Variants in PRPH observed in about 807,000 individuals in gnomAD.
PRPH encodes neurofilament 4 (57kD).
In PRPH, 48 loss-of-function variants were observed where a neutral mutation model predicts 52.6. The ratio of observed to expected loss-of-function variants is 0.91; its 90% CI spans 0.72 to 1.16. The LOEUF (loss-of-function observed/expected upper bound fraction) is 1.16, where lower values mean the gene tolerates loss of function less well. Among genes scored for constraint, PRPH ranks in the 50% most tolerant of loss-of-function variants. The pLI is 0.00. For synonymous variants in PRPH, 279 were observed against 283.8 expected (o/e 0.98, Z 0.17); for missense variants, 579 against 635.7 (o/e 0.91, Z 0.96).
Position 49,295,917 on chromosome 12 carries a change from CCCCGCT to C in PRPH, c.545+173_545+178del, listed in dbSNP as rs1425177480. 2.2e-4 allele frequency: 323 copies of C among 1,441,686 alleles called. 1 individual carries two copies. The African/African-American group carries it at 4.2e-3, about 19-fold the overall frequency. The allele number at this position is 1,441,686 out of a possible 1,614,324, so 89.3% of individuals were successfully genotyped here. Reference sequence around the variant, plus strand: ...TCCCTGCCCACGGGCTCCAAGTGCCCCCCGCTACCCCTTTGCTCTGAGTGTTTGGGG... The same window carrying C: ...TCCCTGCCCACGGGCTCCAAGTGCCCACCCCTTTGCTCTGAGTGTTTGGGG... On this transcript the variant is annotated intron_variant, in intron 1 of 8. Coordinates refer to ENST00000257860, the MANE Select transcript of PRPH (RefSeq NM_006262.4).
At position 49,297,540 on chromosome 12, in the gene PRPH, G is replaced by A. The variant is rs374358956; in HGVS notation, c.1180G>A (p.Ala394Thr). The A allele has an allele frequency of 1.4e-5, 20 of 1,475,336 alleles. No individual in the cohort carries two copies. In the African/African-American group the frequency reaches 1.7e-4, roughly 13 times the overall value. The allele number at this position is 1,475,336 out of a possible 1,614,324, so 91.4% of individuals were successfully genotyped here. A position where few individuals can be genotyped will look rare whatever the true frequency, so the allele number is the denominator to read the frequency against. Residue 394 changes from alanine (A) to threonine (T), a missense_variant, in exon 6 of 9, where the codon GCC becomes ACC. By Grantham distance (58) the Ala-to-Thr change is moderately conservative. Transcript: ENST00000257860. This position sits in a 1 kb window ranked among gnomAD's most constrained non-coding sequence, Gnocchi z 4.4. ...CAAGATGGCCCTGGACATCGAGATCGCCACCTACCGCAAGCTGCTGGAGGG... is the reference window on the plus strand; with the variant it reads ...CAAGATGGCCCTGGACATCGAGATCACCACCTACCGCAAGCTGCTGGAGGG... ...NVKMALDIEI[A>T]TYRKLLEGEE...
At position 49,295,448 on chromosome 12, in the gene PRPH, C is replaced by T. The variant is rs748951608; in HGVS notation, c.248C>T (p.Ala83Val). Residue 83 changes from alanine (A) to valine (V), a missense_variant, in exon 1 of 9, where the codon GCC (alanine) becomes GTC (valine). By Grantham distance (64) the Ala-to-Val change is moderately conservative. Coordinates refer to ENST00000257860, the MANE Select transcript of PRPH (RefSeq NM_006262.4). ...TCGGAGCGCCTCGACTTCTCCATGGCCGAGGCCCTCAACCAGGAGTTCCTG... is the reference window on the plus strand; with the variant it reads ...TCGGAGCGCCTCGACTTCTCCATGGTCGAGGCCCTCAACCAGGAGTTCCTG... ...LPSERLDFSM[A>V]EALNQEFLAT... 61 of 1,607,258 alleles carry T rather than the reference C, an allele frequency of 3.8e-5. No homozygotes were observed. Among genetic ancestry groups the T allele is most frequent in the Non-Finnish European group, 5.0e-5 (59 of 1,177,646 alleles).
chr12:49,296,505 T>G lies in PRPH; in HGVS notation c.680T>G (p.Phe227Cys). Residue 227 changes from phenylalanine (F) to cysteine (C), a missense_variant, in exon 3 of 9, where the codon TTC becomes TGC. Physicochemically the swap from Phe to Cys is radical, Grantham distance 205. Transcript: ENST00000257860. The surrounding 1 kb of genome is among the most constrained non-coding windows in gnomAD (Gnocchi z 5.1). ...GAGTCTCTGATGGATGAGATTGAGTTCCTCAAGAAGCTGCACGAGGAGGTA... is the reference window on the plus strand; with the variant it reads ...GAGTCTCTGATGGATGAGATTGAGTGCCTCAAGAAGCTGCACGAGGAGGTA... The part of the protein sequence containing the change: ...KIESLMDEIE[F>C]LKKLHEEELR... 1 of 1,614,094 alleles carries G rather than the reference T, an allele frequency of 6.2e-7. No homozygotes were observed. Among genetic ancestry groups the G allele is most frequent in the Non-Finnish European group, 8.5e-7 (1 of 1,180,018 alleles).
chr12:49,297,493 A>T lies in PRPH; in HGVS notation c.1133A>T (p.Glu378Val). Reference sequence around the variant, plus strand: ...GAGGAGATGGCGCGGCACCTGAGGGAGTACCAGGAGCTCCTCAACGTCAAG... The same window carrying T: ...GAGGAGATGGCGCGGCACCTGAGGGTGTACCAGGAGCTCCTCAACGTCAAG... The part of the protein sequence containing the change: ...LKEEMARHLR[E>V]YQELLNVKMA... The change falls in exon 6 of 9, where the codon GAG (glutamate) becomes GTG (valine). Residue 378 changes from glutamate (E) to valine (V), a missense_variant. Physicochemically the swap from Glu to Val is moderately radical, Grantham distance 121. Coordinates refer to ENST00000257860, the MANE Select transcript of PRPH (RefSeq NM_006262.4). The surrounding 1 kb of genome is among the most constrained non-coding windows in gnomAD (Gnocchi z 4.4). 1 of 1,612,344 alleles carries T rather than the reference A, an allele frequency of 6.2e-7. No homozygotes were observed. The highest frequency in any genetic ancestry group is 8.5e-7 in the Non-Finnish European group (1 of 1,179,858).
chr12:49,296,297 C>A lies in PRPH; in HGVS notation c.606+59C>A. On this transcript the variant is annotated intron_variant, in intron 2 of 8. Transcript: ENST00000257860. The surrounding 1 kb of genome is among the most constrained non-coding windows in gnomAD (Gnocchi z 5.1). Reference sequence around the variant, plus strand: ...CCACCGCTACCCCCGATCTCAGTATCCAGAGGTGGCATCGGTGGGCGCGGG... The same window carrying A: ...CCACCGCTACCCCCGATCTCAGTATACAGAGGTGGCATCGGTGGGCGCGGG... The A allele has an allele frequency of 6.3e-7, 1 of 1,597,028 alleles. No homozygotes were observed. Among genetic ancestry groups the A allele is most frequent in the South Asian group, 1.1e-5 (1 of 89,722 alleles).
At position 49,296,115 on chromosome 12, in the gene PRPH, C is replaced by A. The variant is rs559195598; in HGVS notation, c.546-63C>A. On this transcript the variant is annotated intron_variant, in intron 1 of 8. Coordinates refer to ENST00000257860, the MANE Select transcript of PRPH (RefSeq NM_006262.4). This position sits in a 1 kb window ranked among gnomAD's most constrained non-coding sequence, Gnocchi z 5.1. ...CTCTAACCGGATCCTGGGGGGCGTG[C>A]GGTCTGGGGTGCGAGCTGGGCGGCG... is the stretch of plus-strand genomic sequence containing the variant. The A allele has an allele frequency of 2.0e-5, 30 of 1,533,506 alleles. No homozygotes were observed. In the African/African-American group the frequency reaches 2.2e-4, roughly 11 times the overall value. 95.0% of individuals were successfully genotyped at this position (1,533,506 alleles called of 1,614,324 possible).
At position 49,297,988 on chromosome 12, in the gene PRPH, A is replaced by G; in HGVS notation, c.1298A>G (p.His433Arg). 1 of 1,614,202 alleles carries G rather than the reference A, an allele frequency of 6.2e-7. No individual in the cohort carries two copies. The highest frequency in any genetic ancestry group is 8.5e-7 in the Non-Finnish European group (1 of 1,180,040). ...GAGGTGGAGCCTCCCCAGGACAGCC[A>G]CAGCCGGAAGACGGTTCTGATCAAG... is the stretch of plus-strand genomic sequence containing the variant. ...VPEVEPPQDSHSRKTVLIKTI... is the reference protein window; with the variant it reads ...VPEVEPPQDSRSRKTVLIKTI... The change falls in exon 8 of 9, where the codon CAC (histidine) becomes CGC (arginine). Residue 433 changes from histidine to arginine, a missense_variant. By Grantham distance (29) the His-to-Arg change is conservative. Coordinates refer to ENST00000257860, the MANE Select transcript of PRPH (RefSeq NM_006262.4). The surrounding 1 kb of genome is among the most constrained non-coding windows in gnomAD (Gnocchi z 4.4).
In PRPH at chr12:49,297,937, C is replaced by G. The variant is rs1254366615; in HGVS notation, c.1268-21C>G. The G allele has an allele frequency of 1.7e-5, 28 of 1,613,614 alleles. No individual in the cohort carries two copies. The highest frequency in any genetic ancestry group is 2.4e-5 in the Non-Finnish European group (28 of 1,179,554). ...GATTCCCACGCCTTCCCCCTTGAAC[C>G]CTTTATCCTGCTTTCTTCAGTGCCT... On this transcript the variant is annotated intron_variant, in intron 7 of 8. Coordinates refer to ENST00000257860, the MANE Select transcript of PRPH (RefSeq NM_006262.4). This position sits in a 1 kb window ranked among gnomAD's most constrained non-coding sequence, Gnocchi z 4.4.
chr12:49,296,837 G>A lies in PRPH; in HGVS notation c.703-52G>A. ...CTCTTTTCTGTGCACGAACTGCGTG[G>A]CCCGCGTGGAATTTGCGCCGCTGTC... On this transcript the variant is annotated intron_variant, in intron 3 of 8. Coordinates refer to ENST00000257860, the MANE Select transcript of PRPH (RefSeq NM_006262.4). The surrounding 1 kb of genome is among the most constrained non-coding windows in gnomAD (Gnocchi z 5.1). 2 of 1,570,814 alleles carry A rather than the reference G, an allele frequency of 1.3e-6. No individual in the cohort carries two copies. Among genetic ancestry groups the A allele is most frequent in the African/African-American group, 1.4e-5 (1 of 73,724 alleles).
rs1247344923 is a variant in PRPH at position 49,297,017 on chromosome 12, G to A, written c.831G>A (p.Ala277=). Residue 277 remains alanine, a synonymous_variant, in exon 4 of 9, where the codon GCG becomes GCA. Coordinates refer to ENST00000257860, the MANE Select transcript of PRPH (RefSeq NM_006262.4). The surrounding 1 kb of genome is among the most constrained non-coding windows in gnomAD (Gnocchi z 4.4). ...GCGCGCAGTACGAGAGCATCGCCGC[G>A]AAGAACCTGCAGGAGGCGGAGGAGT... ...DIRAQYESIA[A]KNLQEAEEWY... The A allele has an allele frequency of 1.2e-6, 2 of 1,613,894 alleles. No homozygotes were observed. The highest frequency in any genetic ancestry group is 3.3e-5 in the Admixed American group (2 of 60,008).
rs1230062634 is a variant in PRPH at position 49,295,652 on chromosome 12, T to C, written c.452T>C (p.Leu151Pro). The change falls in exon 1 of 9, where the codon CTG (leucine) becomes CCG (proline). Residue 151 changes from leucine (L) to proline (P), a missense_variant. By Grantham distance (98) the Leu-to-Pro change is moderately conservative. Transcript: ENST00000257860. The stretch of plus-strand genomic sequence containing the variant: ...CTGTGCCAGCAGGAGCTGCGCGAGC[T>C]GCGGCGAGAGCTGGAGCTGTTGGGC... Reference protein sequence around the residue: ...DQLCQQELRELRRELELLGRE... With the variant: ...DQLCQQELREPRRELELLGRE... 3 of 1,539,334 alleles carry C rather than the reference T, an allele frequency of 1.9e-6. No individual in the cohort carries two copies. In the Admixed American group the frequency reaches 5.9e-5, roughly 30 times the overall value.
Position 49,297,312 on chromosome 12 carries a change from C to CGAT in PRPH, c.996+42_997-40dup, listed in dbSNP as rs1555170115. 5 of 1,613,636 alleles carry CGAT rather than the reference C, an allele frequency of 3.1e-6. No homozygotes were observed. The highest frequency in any genetic ancestry group is 4.2e-6 in the Non-Finnish European group (5 of 1,179,992). On this transcript the variant is annotated intron_variant, in intron 5 of 8. Transcript: ENST00000257860. The surrounding 1 kb of genome is among the most constrained non-coding windows in gnomAD (Gnocchi z 4.4). Reference sequence around the variant, plus strand: ...TGCGCGCTCGGGCCCGGGGAGCGGACGATGAAATGTTCTGCAACTGGCCCC... The same window carrying CGAT: ...TGCGCGCTCGGGCCCGGGGAGCGGACGATGATGAAATGTTCTGCAACTGGCCCC...
chr12:49,296,647 T>A lies in PRPH; in HGVS notation c.702+120T>A. On this transcript the variant is annotated intron_variant, in intron 3 of 8. Coordinates refer to ENST00000257860, the MANE Select transcript of PRPH (RefSeq NM_006262.4). This position sits in a 1 kb window ranked among gnomAD's most constrained non-coding sequence, Gnocchi z 5.1. The stretch of plus-strand genomic sequence containing the variant: ...GACGATGCTGGGTAGACGCAGCCCC[T>A]CCACCCTAGTCTACAGGTGGTTAGA... The A allele has an allele frequency of 9.0e-7, 1 of 1,109,906 alleles. No individual in the cohort carries two copies. The highest frequency in any genetic ancestry group is 1.3e-6 in the Non-Finnish European group (1 of 752,938). 68.8% of individuals were successfully genotyped at this position (1,109,906 alleles called of 1,614,324 possible).
In PRPH at chr12:49,297,979, A is replaced by G; in HGVS notation, c.1289A>G (p.Gln430Arg). 6.2e-7 allele frequency: 1 copy of G among 1,614,140 alleles called. No individual in the cohort carries two copies. The highest frequency in any genetic ancestry group is 8.5e-7 in the Non-Finnish European group (1 of 1,180,016). Residue 430 changes from glutamine (Q) to arginine (R), a missense_variant, in exon 8 of 9, where the codon CAG (glutamine) becomes CGG (arginine). Gln to Arg is a conservative substitution (Grantham distance 43, BLOSUM62 1). Transcript: ENST00000257860. The surrounding 1 kb of genome is among the most constrained non-coding windows in gnomAD (Gnocchi z 4.4). ...TCAGTGCCTGAGGTGGAGCCTCCCC[A>G]GGACAGCCACAGCCGGAAGACGGTT... ...KTTVPEVEPP[Q>R]DSHSRKTVLI...
Position 49,296,258 on chromosome 12 carries a change from C to T in PRPH, c.606+20C>T. On this transcript the variant is annotated intron_variant, in intron 2 of 8. Coordinates refer to ENST00000257860, the MANE Select transcript of PRPH (RefSeq NM_006262.4). The surrounding 1 kb of genome is among the most constrained non-coding windows in gnomAD (Gnocchi z 5.1). ...CGCAAGGTGAGTCCGAGCCCCTCTC[C>T]GAGTTCAGCCTCCCCACCGCTACCC... The T allele has an allele frequency of 6.2e-7, 1 of 1,612,066 alleles. No individual in the cohort carries two copies. The highest frequency in any genetic ancestry group is 1.7e-5 in the Admixed American group (1 of 59,772).
At chr12:49,295,996 C>CTT in intron 1 of PRPH, 182 bp from the exon 2 acceptor site, 1 of 1,375,048 alleles carries the variant, frequency 7.3e-7, no homozygotes, top group Non-Finnish European at 9.8e-7. Flanking sequence ...ATGAGGAAAC[C>CTT]CCCTTTTCAG....
Position 49,296,111 on chromosome 12 carries a change from C to A in PRPH, c.546-67C>A, listed in dbSNP as rs1943175022. 12 of 1,514,940 alleles carry A rather than the reference C, an allele frequency of 7.9e-6. No individual in the cohort carries two copies. The highest frequency in any genetic ancestry group is 1.4e-5 in the African/African-American group (1 of 73,186). 93.8% of individuals were successfully genotyped at this position (1,514,940 alleles called of 1,614,324 possible). On this transcript the variant is annotated intron_variant, in intron 1 of 8. Transcript: ENST00000257860. The surrounding 1 kb of genome is among the most constrained non-coding windows in gnomAD (Gnocchi z 5.1). ...CAGCCTCTAACCGGATCCTGGGGGG[C>A]GTGCGGTCTGGGGTGCGAGCTGGGC...
At position 49,295,657 on chromosome 12, in the gene PRPH, C is replaced by T; in HGVS notation, c.457C>T (p.Arg153Ter). ...LCQQELRELR[R>*]ELELLGRERD... ...CCAGCAGGAGCTGCGCGAGCTGCGG[C>T]GAGAGCTGGAGCTGTTGGGCCGCGA... Residue 153 changes from arginine (R) to a stop codon, truncating the protein, a stop_gained, in exon 1 of 9, where the codon CGA becomes TGA. Coordinates refer to ENST00000257860, the MANE Select transcript of PRPH (RefSeq NM_006262.4). LOFTEE classifies it high-confidence loss of function. The T allele has an allele frequency of 1.3e-6, 2 of 1,538,344 alleles. No homozygotes were observed. Among genetic ancestry groups the T allele is most frequent in the Non-Finnish European group, 1.7e-6 (2 of 1,144,488 alleles).
Position 49,295,626 on chromosome 12 carries a change from G to T in PRPH, c.426G>T (p.Gln142His), listed in dbSNP as rs761209771. 3 of 1,544,848 alleles carry T rather than the reference G, an allele frequency of 1.9e-6. No individual in the cohort carries two copies. In the African/African-American group the frequency reaches 4.1e-5, roughly 21 times the overall value. ...GCCAGGAGCCGGCGCGCGCCGACCA[G>T]CTGTGCCAGCAGGAGCTGCGCGAGC... ...ARGQEPARAD[Q>H]LCQQELRELR... The change falls in exon 1 of 9, where the codon CAG becomes CAT. Residue 142 changes from glutamine to histidine, a missense_variant. Coordinates refer to ENST00000257860, the MANE Select transcript of PRPH (RefSeq NM_006262.4).
Sources: allele counts gnomAD v4.1 joint callset, GRCh38; gene constraint gnomAD v4.1.1; non-coding constraint Gnocchi (gnomAD v3.1); transcripts MANE v1.5; gene names NCBI Gene and HGNC (gene_info 2026-07-23, HGNC 2026-07-21).